Variants in RBFOX1 observed in about 807,000 individuals in gnomAD.
RBFOX1 encodes the protein RNA binding protein fox-1 homolog 1.
A neutral mutation model predicts 57.7 loss-of-function variants in RBFOX1; 8 were observed. The observed-to-expected ratio is 0.14, with a 90% CI of 0.08 to 0.25. The LOEUF is 0.25. Among genes scored for constraint, RBFOX1 ranks in the 10% least tolerant of loss-of-function variants. The probability of loss-of-function intolerance (pLI) is 1.00; values close to 1 mark genes in which losing one functional copy is unlikely to be tolerated. For missense variants in RBFOX1, 611 were observed against 548.5 expected (o/e 1.11, Z -1.14); for synonymous variants, 326 against 222.4 (o/e 1.47, Z -4.15).
intron 2 of RBFOX1, among the ~76,000 whole-genome samples, chr16:6,629,869 T>C (rs1354882225): frequency 6.6e-6 from 1 of 151,942 alleles, no homozygotes; most frequent in Non-Finnish European, 1.5e-5. Flanking sequence ...ATTTTAGCAC[T>C]AGCTTAATGT....
At chr16:7,502,117 C>G (rs2071108503) in intron 4 of RBFOX1, among the ~76,000 whole-genome samples, 1 of 151,810 alleles carries the variant, frequency 6.6e-6, no homozygotes, top group Non-Finnish European at 1.5e-5. Context: ...AGCTGGCAAA[C>G]TATGAGAGGC....
intron 1 of RBFOX1, among the ~76,000 whole-genome samples, chr16:5,297,768 G>A (rs1191499908): frequency 6.6e-6 from 1 of 152,208 alleles, no homozygotes; most frequent in East Asian, 1.9e-4. Context: ...TTGCATGTAA[G>A]ATTTTAGGTA....
chr16:5,419,035 C>T (rs1186604785), intron 1 of RBFOX1, among the ~76,000 whole-genome samples: 1 of 152,190 alleles, frequency 6.6e-6, no homozygotes, highest in Admixed American at 6.5e-5. Context: ...AGGTACCTCA[C>T]AGAGTCAGAG....
intron 4 of RBFOX1, among the ~76,000 whole-genome samples, chr16:7,160,602 A>C (rs1331253936): frequency 6.6e-6 from 1 of 152,156 alleles, no homozygotes; most frequent in Non-Finnish European, 1.5e-5. Context: ...AATACAAACA[A>C]TTATTTTATG....
intron 15 of RBFOX1, chr16:7,709,552 C>T: frequency 1.3e-6 from 2 of 1,532,656 alleles, no homozygotes; most frequent in East Asian, 2.4e-5. Flanking sequence ...ACTTCCAGGC[C>T]TCTGCTGTCA....
chr16:6,004,630 C>G (rs2060661533), intron 4 of RBFOX1, among the ~76,000 whole-genome samples: 1 of 152,156 alleles, frequency 6.6e-6, no homozygotes, highest in African/African-American at 2.4e-5. Flanking sequence ...TAATGGAAGC[C>G]TTTCATTTTA....
intron 1 of RBFOX1, among the ~76,000 whole-genome samples, chr16:6,300,763 C>A (rs967799103): frequency 6.6e-6 from 1 of 152,162 alleles, no homozygotes; most frequent in Non-Finnish European, 1.5e-5. Flanking sequence ...ATCACAGTTG[C>A]CACTTTTACC....
intron 3 of RBFOX1, among the ~76,000 whole-genome samples, chr16:5,635,859 T>C (rs117254474): frequency 6.6e-6 from 1 of 152,254 alleles, no homozygotes; most frequent in Non-Finnish European, 1.5e-5. Context: ...TTCCATTCAT[T>C]TTTCGTGTTA....
At chr16:6,513,448 A>G (rs780786148) in intron 2 of RBFOX1, among the ~76,000 whole-genome samples, 4 of 152,128 alleles carry the variant, frequency 2.6e-5, no homozygotes, top group African/African-American at 9.7e-5. Flanking sequence ...TTTGGAGACC[A>G]TGAGGCCGGG....
intron 4 of RBFOX1, chr16:7,304,140 C>T (rs1274524202): frequency 7.7e-6 from 7 of 908,084 alleles, no homozygotes; most frequent in Non-Finnish European, 9.2e-6. Flanking sequence ...GCGGGGAGAG[C>T]CAGGGAGGAG....
downstream of RBFOX1, among the ~76,000 whole-genome samples, chr16:5,603,885 A>G (rs2047459083): frequency 6.6e-6 from 1 of 152,206 alleles, no homozygotes; most frequent in Non-Finnish European, 1.5e-5. Context: ...CAGCGTAAGA[A>G]CCGCACTATT....
At position 6,997,008 on chromosome 16, in the gene RBFOX1, A is replaced by G. The variant is rs80122859; in HGVS notation, c.-15-55049A>G. Among the ~76,000 whole-genome samples the G allele has an allele frequency of 4.0e-3, 607 of 152,262 alleles. 10 individuals carry two copies. The highest frequency in any genetic ancestry group is 0.014 in the African/African-American group (572 of 41,562). ...TTCCTCATCAGCTTTATACATATGTATATGTATATATGTTTATATTTATAT... is the reference window on the plus strand; with the variant it reads ...TTCCTCATCAGCTTTATACATATGTGTATGTATATATGTTTATATTTATAT... On this transcript the variant is annotated intron_variant, in intron 3 of 15. Coordinates refer to ENST00000550418, the MANE Select transcript of RBFOX1 (RefSeq NM_018723.4).
chr16:7,026,351 G>T (rs2040928800), intron 3 of RBFOX1, among the ~76,000 whole-genome samples: 1 of 152,116 alleles, frequency 6.6e-6, no homozygotes, highest in Admixed American at 6.5e-5. Context: ...ATGATGCAAG[G>T]GTTTTGCAAA....
At chr16:5,320,222 G>C (rs2064365301) in intron 1 of RBFOX1, among the ~76,000 whole-genome samples, 1 of 152,228 alleles carries the variant, frequency 6.6e-6, no homozygotes, top group South Asian at 2.1e-4. Context: ...TCTGGTAGTT[G>C]AGAAGGGCTT....
intron 3 of RBFOX1, among the ~76,000 whole-genome samples, chr16:5,763,227 G>T (rs2053648454): frequency 6.6e-6 from 1 of 152,048 alleles, no homozygotes; most frequent in South Asian, 2.1e-4. Flanking sequence ...TTTTTCAATT[G>T]CAGATCCACA....
chr16:6,795,879 T>G (rs896436933), intron 3 of RBFOX1, among the ~76,000 whole-genome samples: 2 of 152,140 alleles, frequency 1.3e-5, no homozygotes, highest in Non-Finnish European at 2.9e-5. Context: ...CCCCCTGCCT[T>G]CCCTTTCCTT....
chr16:6,282,114 A>C (rs2076440341), intron 1 of RBFOX1, among the ~76,000 whole-genome samples: 1 of 152,144 alleles, frequency 6.6e-6, no homozygotes. Flanking sequence ...ATCACCTCTA[A>C]GTTTTAATTT....
intron 4 of RBFOX1, among the ~76,000 whole-genome samples, chr16:7,154,597 G>A (rs1021337914): frequency 6.6e-6 from 1 of 152,040 alleles, no homozygotes; most frequent in Non-Finnish European, 1.5e-5. Context: ...AAGGCATTTA[G>A]AAGATACTGA....
intron 3 of RBFOX1, among the ~76,000 whole-genome samples, chr16:6,661,576 A>G (rs192240969): frequency 6.1e-4 from 93 of 152,346 alleles, no homozygotes; most frequent in Admixed American, 2.2e-3. Flanking sequence ...TTAAACTAGT[A>G]TGAAGAACCC....
Sources: allele counts gnomAD v4.1 joint callset (sites outside exome capture counted in the v4.1 genomes callset), GRCh38; gene constraint gnomAD v4.1.1; transcripts MANE v1.5; gene names NCBI Gene and HGNC (gene_info 2026-07-23, HGNC 2026-07-21).